Variants in FASN observed in about 807,000 individuals in gnomAD.
The protein encoded by FASN is 3-hydroxyacyl-[acyl-carrier-protein] dehydratase.
In FASN, 50 loss-of-function variants were observed where a neutral mutation model predicts 250.0. The ratio of observed to expected loss-of-function variants is 0.20; its 90% confidence interval spans 0.16 to 0.25. The LOEUF (loss-of-function observed/expected upper bound fraction) is 0.25, where lower values mean the gene tolerates loss of function less well. FASN is among the 10% of genes least tolerant of loss of function. The pLI, the probability that FASN is intolerant of heterozygous loss-of-function variation, is 1.00. For synonymous variants in FASN, 1,909 were observed against 1,584.0 expected (o/e 1.21, Z -4.87); for missense variants, 3,031 against 3,498.5 (o/e 0.87, Z 3.37).
chr17:82,084,965 G>A lies in FASN; in HGVS notation c.4410-12C>T. On this transcript the variant is annotated splice_polypyrimidine_tract_variant and intron_variant, in intron 25 of 42. Coordinates refer to ENST00000306749, the MANE Select transcript of FASN (RefSeq NM_004104.5). ...AGAGCAGCACACACCTGGGGGCAGAGGCGGGGAGCTCAGGCTGGGGATGGG... is the reference window on the plus strand; with the variant it reads ...AGAGCAGCACACACCTGGGGGCAGAAGCGGGGAGCTCAGGCTGGGGATGGG... 1 of 1,562,910 alleles carries A rather than the reference G, an allele frequency of 6.4e-7. No individual in the cohort carries two copies. The highest frequency in any genetic ancestry group is 8.7e-7 in the Non-Finnish European group (1 of 1,153,382).
In FASN at chr17:82,082,054, C is replaced by A. The variant is rs150748779; in HGVS notation, c.6118G>T (p.Ala2040Ser). 4.1e-4 allele frequency: 666 copies of A among 1,610,508 alleles called. 3 individuals carry two copies. In the African/African-American group the frequency reaches 7.9e-3, roughly 19 times the overall value. Residue 2040 changes from alanine (A) to serine (S), a missense_variant, in exon 36 of 43, where the codon GCC becomes TCC. Coordinates refer to ENST00000306749, the MANE Select transcript of FASN (RefSeq NM_004104.5). Reference sequence around the variant, plus strand: ...CGTTTCTCACAGATACGCTCCATGGCGGAATTGGCAAAGCCGTAGTTGCTC... The same window carrying A: ...CGTTTCTCACAGATACGCTCCATGGAGGAATTGGCAAAGCCGTAGTTGCTC... ...GQSNYGFANS[A>S]MERICEKRRH...
At chr17:82,082,738 C>T (rs908755468) in intron 33 of FASN, 60 bp from the exon 34 acceptor site, 42 of 1,589,762 alleles carry the variant, frequency 2.6e-5, no homozygotes, top group South Asian at 7.8e-5. Flanking sequence ...CCCTACACGC[C>T]GGGCTGGGGA....
chr17:82,090,342 T>A (rs776936974), intron 11 of FASN, 33 bp downstream of exon 11: 2 of 1,551,674 alleles, frequency 1.3e-6, no homozygotes, highest in South Asian at 2.4e-5. Flanking sequence ...CCTCCTTTCT[T>A]GGAGGTGCTG....
Position 82,085,247 on chromosome 17 carries a change from C to T in FASN, c.4278G>A (p.Glu1426=), listed in dbSNP as rs768648565. ...TGGGGCAGGGCCTGACCTTCAGAGA[C>T]TCCACCCAGCGGAAGCTGGTATCGT... ...PVDDTSFRWV[E]SLKGILADED... is the part of the protein sequence containing the mutation. Residue 1426 remains glutamate (E), a synonymous_variant, in exon 24 of 43, where the codon GAG becomes GAA. Coordinates refer to ENST00000306749, the MANE Select transcript of FASN (RefSeq NM_004104.5). 15 of 1,611,606 alleles carry T rather than the reference C, an allele frequency of 9.3e-6. No homozygotes were observed. The highest frequency in any genetic ancestry group is 1.6e-4 in the Middle Eastern group (1 of 6,080).
Position 82,088,008 on chromosome 17 carries a change from G to A in FASN, c.2812C>T (p.Leu938=), listed in dbSNP as rs1266253037. Residue 938 remains leucine (L), a synonymous_variant, in exon 18 of 43, where the codon CTG becomes TTG. Coordinates refer to ENST00000306749, the MANE Select transcript of FASN (RefSeq NM_004104.5). The stretch of plus-strand genomic sequence containing the variant: ...ACCTCGAAGGCACGGGAGGCCTCCA[G>A]GAGCCGTACCTCCAGGGACACTGTC... The part of the protein sequence containing the change: ...TGTVSLEVRL[L]EASRAFEVSE... 1 of 1,612,802 alleles carries A rather than the reference G, an allele frequency of 6.2e-7. No individual in the cohort carries two copies. The highest frequency in any genetic ancestry group is 1.7e-5 in the Admixed American group (1 of 60,030).
Position 82,087,345 on chromosome 17 carries a change from G to A in FASN, c.3203C>T (p.Thr1068Ile), listed in dbSNP as rs1186349172. 4 of 1,612,156 alleles carry A rather than the reference G, an allele frequency of 2.5e-6. No homozygotes were observed. Among genetic ancestry groups the A allele is most frequent in the Non-Finnish European group, 3.4e-6 (4 of 1,179,904 alleles). Reference sequence around the variant, plus strand: ...GCTACCTTGGGCCTTGTCCTGCAGTGTGTACAGCTTCTGCCTGTGGGTGGC... The same window carrying A: ...GCTACCTTGGGCCTTGTCCTGCAGTATGTACAGCTTCTGCCTGTGGGTGGC... ...DPATHRQKLY[T>I]LQDKAQVADV... The change falls in exon 20 of 43, where the codon ACA becomes ATA. Residue 1068 changes from threonine (T) to isoleucine (I), a missense_variant. Transcript: ENST00000306749.
chr17:82,087,940 C>A lies in FASN; in HGVS notation c.2866+14G>T. The A allele has an allele frequency of 6.2e-7, 1 of 1,612,658 alleles. No individual in the cohort carries two copies. On this transcript the variant is annotated intron_variant, in intron 18 of 42. Coordinates refer to ENST00000306749, the MANE Select transcript of FASN (RefSeq NM_004104.5). The stretch of plus-strand genomic sequence containing the variant: ...CACAGCCTCCGCAGCTCCCGTGCCA[C>A]CGGCCCTGCTTACCACTCACTACCA...
chr17:82,094,817 T>C (rs1409298245), intron 3 of FASN, among the ~76,000 whole-genome samples: 1 of 148,680 alleles, frequency 6.7e-6, no homozygotes, highest in Non-Finnish European at 1.5e-5. Flanking sequence ...AAAATAAAAA[T>C]AAAAAAACGG....
In FASN at chr17:82,085,964, G is replaced by A. The variant is rs1291000568; in HGVS notation, c.3733-93C>T. ...ATGTCCATGAGGCCTCAGTCTGGCA[G>A]AAAGGCTTCCCCGTCAACCTGATGA... On this transcript the variant is annotated intron_variant, in intron 22 of 42. Transcript: ENST00000306749. 2.1e-6 allele frequency: 3 copies of A among 1,398,762 alleles called. No homozygotes were observed. The African/African-American group carries it at 4.3e-5, about 20-fold the overall frequency. The allele number at this position is 1,398,762 out of a possible 1,614,324, so 86.6% of individuals were successfully genotyped here. A position where few individuals can be genotyped will look rare whatever the true frequency, so the allele number is the denominator to read the frequency against.
rs746216115 is a variant in FASN at position 82,081,854 on chromosome 17, G to T, written c.6164-11C>A. 1.3e-6 allele frequency: 2 copies of T among 1,594,874 alleles called. No homozygotes were observed. Among genetic ancestry groups the T allele is most frequent in the Non-Finnish European group, 8.5e-7 (1 of 1,173,834 alleles). ...ACTGCACGGCCAGGCCTGTGGGGGA[G>T]GGGGCAGGTGGGCAGAGCTGCGGGG... On this transcript the variant is annotated splice_polypyrimidine_tract_variant and intron_variant, in intron 36 of 42. Transcript: ENST00000306749.
At chr17:82,080,665 C>T (rs376410068) in intron 39 of FASN, 27 bp downstream of exon 39, 83 of 1,560,668 alleles carry the variant, frequency 5.3e-5, no homozygotes, top group African/African-American at 1.5e-4. Flanking sequence ...CACTGACCAC[C>T]GCTTCCAGAG....
intron 11 of FASN, among the ~76,000 whole-genome samples, chr17:82,090,141 C>G (rs1438278504): frequency 6.6e-6 from 1 of 152,220 alleles, no homozygotes; most frequent in Non-Finnish European, 1.5e-5. Context: ...CACACGGGGG[C>G]TCCACGCAGG....
rs996856514 is a variant in FASN at position 82,078,416 on chromosome 17, C to T, written c.*727G>A. On this transcript the variant is annotated 3_prime_UTR_variant, in exon 43 of 43. Transcript: ENST00000306749. The surrounding 1 kb of genome is among the most constrained non-coding windows in gnomAD (Gnocchi z 5.4). ...ATTGGTGTAAAAATGAAACGGGGTCCAGACGTGTACACTGACAGTTACAGT... is the reference window on the plus strand; with the variant it reads ...ATTGGTGTAAAAATGAAACGGGGTCTAGACGTGTACACTGACAGTTACAGT... The T allele has an allele frequency of 6.6e-6, 1 of 152,546 alleles. No homozygotes were observed. Among genetic ancestry groups the T allele is most frequent in the Non-Finnish European group, 1.5e-5 (1 of 68,314 alleles). 9.4% of individuals were successfully genotyped at this position (152,546 alleles called of 1,614,324 possible).
chr17:82,081,247 T>A lies in FASN; in HGVS notation c.6512A>T (p.Asn2171Ile). The A allele has an allele frequency of 6.3e-7, 1 of 1,584,572 alleles. No homozygotes were observed. Among genetic ancestry groups the A allele is most frequent in the Non-Finnish European group, 8.6e-7 (1 of 1,166,024 alleles). ...CACCTCGCGCACGGACAGCACCAGGTTGAGCTCACGCTCCAGCGTCTGGCG... is the reference window on the plus strand; with the variant it reads ...CACCTCGCGCACGGACAGCACCAGGATGAGCTCACGCTCCAGCGTCTGGCG... Reference protein sequence around the residue: ...EVRQTLERELNLVLSVREVRQ... With the variant: ...EVRQTLERELILVLSVREVRQ... Residue 2171 changes from asparagine to isoleucine, a missense_variant, in exon 38 of 43, where the codon AAC (asparagine) becomes ATC (isoleucine). By Grantham distance (149) the Asn-to-Ile change is moderately radical. Coordinates refer to ENST00000306749, the MANE Select transcript of FASN (RefSeq NM_004104.5).
In FASN at chr17:82,091,510, T is replaced by A. The variant is rs1392354908; in HGVS notation, c.1204A>T (p.Ile402Phe). Reference sequence around the variant, plus strand: ...GGCTGCGTGTTGGGCCTCAGGATGATGTGCACGTTGGAGCCCCCGAAGCCA... The same window carrying A: ...GGCTGCGTGTTGGGCCTCAGGATGAAGTGCACGTTGGAGCCCCCGAAGCCA... The part of the protein sequence containing the change: ...SFGFGGSNVH[I>F]ILRPNTQPPP... The change falls in exon 9 of 43, where the codon ATC (isoleucine) becomes TTC (phenylalanine). Residue 402 changes from isoleucine to phenylalanine, a missense_variant. Physicochemically the swap from Ile to Phe is conservative, Grantham distance 21. Transcript: ENST00000306749. 1.2e-6 allele frequency: 2 copies of A among 1,604,480 alleles called. No individual in the cohort carries two copies. The highest frequency in any genetic ancestry group is 1.7e-6 in the Non-Finnish European group (2 of 1,176,418).
rs1271881436 is a variant in FASN, at chr17:82,084,821, G to A, written c.4542C>T (p.Phe1514=). 1.2e-5 allele frequency: 18 copies of A among 1,550,272 alleles called. No homozygotes were observed. Residue 1514 remains phenylalanine (F), a synonymous_variant, in exon 26 of 43, where the codon TTC becomes TTT. Coordinates refer to ENST00000306749, the MANE Select transcript of FASN (RefSeq NM_004104.5). ...NVYRDGAWGA[F]RHFLLEEDKP... is the part of the protein sequence containing the mutation. ...CACCCTCCTCCAGCAGGAAGTGGCG[G>A]AAAGCCCCCCAGGCCCCGTCGCGGT...
intron 9 of FASN, 72 bp from the exon 10 acceptor site, chr17:82,091,141 G>A (rs988065791): frequency 1.2e-6 from 2 of 1,603,718 alleles, no homozygotes; most frequent in Non-Finnish European, 1.7e-6. Flanking sequence ...GTCCCAGAGA[G>A]CACCTCAGGG....
In FASN at chr17:82,085,354, G is replaced by T. The variant is rs2034075957; in HGVS notation, c.4171C>A (p.Leu1391Met). ...FSRVSLRLVGLKKSFYGSTLF... is the reference protein window; with the variant it reads ...FSRVSLRLVGMKKSFYGSTLF... ...GTGGAGCCGTAGAAGGACTTCTTCAGGCCCACCAGGCGCAGCGACACCCTG... is the reference window on the plus strand; with the variant it reads ...GTGGAGCCGTAGAAGGACTTCTTCATGCCCACCAGGCGCAGCGACACCCTG... Residue 1391 changes from leucine to methionine, a missense_variant, in exon 24 of 43, where the codon CTG becomes ATG. Leu to Met is a conservative substitution (Grantham distance 15). Coordinates refer to ENST00000306749, the MANE Select transcript of FASN (RefSeq NM_004104.5). The T allele has an allele frequency of 1.9e-6, 3 of 1,611,654 alleles. No individual in the cohort carries two copies. The highest frequency in any genetic ancestry group is 1.3e-5 in the African/African-American group (1 of 75,028).
Position 82,082,906 on chromosome 17 carries a change from C to T in FASN, c.5767+8G>A, listed in dbSNP as rs369401110. 2.6e-5 allele frequency: 42 copies of T among 1,612,528 alleles called. No homozygotes were observed. In the African/African-American group the frequency reaches 2.9e-4, roughly 11 times the overall value. On this transcript the variant is annotated splice_region_variant and intron_variant, in intron 33 of 42. Coordinates refer to ENST00000306749, the MANE Select transcript of FASN (RefSeq NM_004104.5). ...CAGGCTGGTCCACAAGCACCCCTGC[C>T]GACTCACCTGTCCGGATCCCGGAGC...
Sources: allele counts gnomAD v4.1 joint callset (sites outside exome capture counted in the v4.1 genomes callset), GRCh38; gene constraint gnomAD v4.1.1; non-coding constraint Gnocchi (gnomAD v3.1); transcripts MANE v1.5; gene names NCBI Gene and HGNC (gene_info 2026-07-23, HGNC 2026-07-21).